TRAPPC9: variants seen among roughly 807,000 people sequenced by gnomAD.
TRAPPC9 encodes the protein trafficking protein particle complex subunit 9.
TRAPPC9 carries 83 observed loss-of-function variants against 124.0 expected under a neutral mutation model. The ratio of observed to expected loss-of-function variants is 0.67; its 90% CI spans 0.56 to 0.80. TRAPPC9 has a LOEUF of 0.80. TRAPPC9 is among the 30% of genes least tolerant of loss of function. The pLI is 0.00. For missense variants in TRAPPC9, 1,302 were observed against 1,508.3 expected (o/e 0.86, Z 2.27); for synonymous variants, 638 against 617.5 (o/e 1.03, Z -0.49).
At chr8:140,438,004 TGACATAGA>T in intron 3 of TRAPPC9, among the ~76,000 whole-genome samples, 1 of 152,326 alleles carries the variant, frequency 6.6e-6, no homozygotes, top group Non-Finnish European at 1.5e-5. Flanking sequence ...TTTTTAAGAT[TGACATAGA>T]GTTCACATAC....
rs2067641323 is a variant in TRAPPC9, at chr8:140,353,297, C to T, written c.1495+6753G>A. 6.6e-6 allele frequency among the ~76,000 whole-genome samples: 1 copy of T among 152,072 alleles called. No individual in the cohort carries two copies. Among genetic ancestry groups the T allele is most frequent in the African/African-American group, 2.4e-5 (1 of 41,390 alleles). On this transcript the variant is annotated intron_variant, in intron 9 of 22. Coordinates refer to ENST00000438773, the MANE Select transcript of TRAPPC9 (RefSeq NM_001160372.4). The surrounding 1 kb of genome is among the most constrained non-coding windows in gnomAD (Gnocchi z 4.2). ...TCCTTAACACAGGTTCATTCACTGG[C>T]CCCCTCCCATCTCATGGGACCCCCC...
At chr8:140,137,458 G>A (rs149836978) in intron 17 of TRAPPC9, among the ~76,000 whole-genome samples, 79 of 151,914 alleles carry the variant, frequency 5.2e-4, no homozygotes, top group African/African-American at 1.9e-3. Flanking sequence ...TCTGGAGCGG[G>A]TAGTGAGCTT....
intron 17 of TRAPPC9, among the ~76,000 whole-genome samples, chr8:140,046,807 T>A (rs898035596): frequency 4.6e-5 from 7 of 152,194 alleles, no homozygotes; most frequent in Non-Finnish European, 8.8e-5. Context: ...CCCTTCATCC[T>A]AAGATGTAAA....
rs4527846 is a variant in TRAPPC9, at chr8:140,087,996, C to G, written c.2557-63917G>C. On this transcript the variant is annotated intron_variant, in intron 17 of 22. Coordinates refer to ENST00000438773, the MANE Select transcript of TRAPPC9 (RefSeq NM_001160372.4). The surrounding 1 kb of genome is among the most constrained non-coding windows in gnomAD (Gnocchi z 4.6). ...TGGAAGATGTGGCTTACCAGAGCCC[C>G]TAGCTCTTTAGATGGCTATCTCTTT... is the stretch of plus-strand genomic sequence containing the variant. 0.51 allele frequency among the ~76,000 whole-genome samples: 77,709 copies of G among 151,448 alleles called. 20,622 individuals carry two copies. The highest frequency in any genetic ancestry group is 0.67 in the Middle Eastern group (197 of 294).
intron 20 of TRAPPC9, among the ~76,000 whole-genome samples, chr8:139,891,810 G>T (rs1042198848): frequency 1.3e-5 from 2 of 152,220 alleles, no homozygotes; most frequent in African/African-American, 4.8e-5. Flanking sequence ...GGCAGGGCCC[G>T]CTCTAAGCAG....
rs1039934490 is a variant in TRAPPC9 at position 139,838,667 on chromosome 8, G to C, written c.3055+47212C>G. On this transcript the variant is annotated intron_variant, in intron 21 of 22. Coordinates refer to ENST00000438773, the MANE Select transcript of TRAPPC9 (RefSeq NM_001160372.4). ...GAGGCTGCTGCTGTGATGACGGGTG[G>C]GTGGCAAGGTTACCGAGGAGGCCTG... Among the ~76,000 whole-genome samples, 5 of 152,156 alleles carry C rather than the reference G, an allele frequency of 3.3e-5. No individual in the cohort carries two copies. In the East Asian group the frequency reaches 9.6e-4, roughly 29 times the overall value.
At chr8:140,285,842 G>A (rs567411626) in intron 13 of TRAPPC9, among the ~76,000 whole-genome samples, 6 of 152,156 alleles carry the variant, frequency 3.9e-5, no homozygotes, top group Non-Finnish European at 5.9e-5. Flanking sequence ...ACTCCACTCC[G>A]TATTCCCACT....
intron 16 of TRAPPC9, chr8:140,238,612 G>A (rs2063780679): frequency 1.3e-5 from 2 of 152,178 alleles, no homozygotes; most frequent in South Asian, 2.1e-4. Flanking sequence ...ATAACCCACC[G>A]AACACAAAAC....
chr8:139,968,266 A>G (rs2131596042), intron 19 of TRAPPC9, among the ~76,000 whole-genome samples: 1 of 152,330 alleles, frequency 6.6e-6, no homozygotes, highest in Admixed American at 6.5e-5. Context: ...CCTGGCCCAC[A>G]GCCTGATTAT....
intron 11 of TRAPPC9, among the ~76,000 whole-genome samples, chr8:140,291,888 A>G (rs77712274): frequency 6.6e-6 from 1 of 152,182 alleles, no homozygotes; most frequent in Non-Finnish European, 1.5e-5. Context: ...AACGGGGATC[A>G]CAGGAAATGA....
chr8:139,847,268 G>C (rs1244149508), intron 21 of TRAPPC9, among the ~76,000 whole-genome samples: 1 of 152,220 alleles, frequency 6.6e-6, no homozygotes. Flanking sequence ...TCTGAGCGGG[G>C]GAAACACTCT....
chr8:140,019,179 C>T (rs10113081), intron 18 of TRAPPC9, among the ~76,000 whole-genome samples: 1 of 151,926 alleles, frequency 6.6e-6, no homozygotes, highest in East Asian at 1.9e-4. Flanking sequence ...CTGTTTTGTC[C>T]CTTTCATATA....
chr8:139,935,745 T>A (rs1284425943), intron 19 of TRAPPC9, among the ~76,000 whole-genome samples: 1 of 151,106 alleles, frequency 6.6e-6, no homozygotes, highest in African/African-American at 2.4e-5. Flanking sequence ...AGTCACTTGA[T>A]GACAGTAACA....
chr8:140,098,688 CCTCCT>C (rs1323639523), intron 17 of TRAPPC9: 1 of 151,058 alleles, frequency 6.6e-6, no homozygotes, highest in Non-Finnish European at 1.5e-5. Flanking sequence ...ACGCCTCCTC[CCTCCT>C]CTCATCCTCT....
chr8:140,298,655 G>GAA (rs71520270), intron 11 of TRAPPC9, among the ~76,000 whole-genome samples: 10 of 148,884 alleles, frequency 6.7e-5, no homozygotes, highest in Non-Finnish European at 7.5e-5. Context: ...CTGTCTCAAA[G>GAA]AAAAAAAAAA....
rs73726682 is a variant in TRAPPC9 at position 139,854,062 on chromosome 8, A to C, written c.3055+31817T>G. Among the ~76,000 whole-genome samples, 1,367 of 152,328 alleles carry C rather than the reference A, an allele frequency of 9.0e-3. 24 individuals are homozygous for C. The highest frequency in any genetic ancestry group is 0.031 in the African/African-American group (1,301 of 41,562). On this transcript the variant is annotated intron_variant, in intron 21 of 22. Coordinates refer to ENST00000438773, the MANE Select transcript of TRAPPC9 (RefSeq NM_001160372.4). ...GAAAGGGTCATCCAAACAAAACAAT[A>C]AAACCAGGAAAATTAACACATCTGA...
At chr8:140,057,741 G>C (rs1842370653) in intron 17 of TRAPPC9, among the ~76,000 whole-genome samples, 1 of 152,212 alleles carries the variant, frequency 6.6e-6, no homozygotes, top group African/African-American at 2.4e-5. Flanking sequence ...AGGTGAGTAA[G>C]TTTAGAGATC....
At chr8:139,746,730 A>G (rs1185714180) in intron 21 of TRAPPC9, among the ~76,000 whole-genome samples, 2 of 152,208 alleles carry the variant, frequency 1.3e-5, no homozygotes, top group African/African-American at 2.4e-5. Context: ...TGTGACATTT[A>G]CAGGCCACCA....
chr8:140,321,841 A>G (rs990006436), intron 9 of TRAPPC9, among the ~76,000 whole-genome samples: 5 of 152,176 alleles, frequency 3.3e-5, no homozygotes, highest in African/African-American at 4.8e-5. Context: ...CCTCCCCTAG[A>G]TGCCTGGCAG....
Sources: allele counts gnomAD v4.1 joint callset (sites outside exome capture counted in the v4.1 genomes callset), GRCh38; gene constraint gnomAD v4.1.1; non-coding constraint Gnocchi (gnomAD v3.1); transcripts MANE v1.5; gene names NCBI Gene and HGNC (gene_info 2026-07-23, HGNC 2026-07-21).